IL1RL1: variants seen among roughly 807,000 people sequenced by gnomAD.
IL1RL1 encodes interleukin 1 receptor like 1.
Under a neutral mutation model 50.9 loss-of-function variants are expected in IL1RL1, and 32 were observed. The observed-to-expected ratio is 0.63, with a 90% confidence interval of 0.47 to 0.84. The LOEUF (loss-of-function observed/expected upper bound fraction) is 0.84. IL1RL1 is among the 40% of genes least tolerant of loss of function. The pLI is 0.00. For synonymous variants in IL1RL1, 275 were observed against 236.0 expected (o/e 1.17, Z -1.51); for missense variants, 773 against 662.9 (o/e 1.17, Z -1.82).
At chr2:102,345,806 C>A (rs1225277903) in intron 8 of IL1RL1, 3 of 985,336 alleles carry the variant, frequency 3.0e-6, no homozygotes, top group African/African-American at 3.5e-5. Context: ...AGGCTGTGGA[C>A]CCCATCAAGG....
intron 1 of IL1RL1, among the ~76,000 whole-genome samples, chr2:102,333,408 C>A (rs1416815938): frequency 1.3e-5 from 2 of 152,130 alleles, no homozygotes; most frequent in Non-Finnish European, 2.9e-5. Context: ...TAAATGGAGT[C>A]TTGGTCTGAG....
chr2:102,338,651 G>A (rs1239365872), intron 2 of IL1RL1, among the ~76,000 whole-genome samples, 186 bp from the exon 3 acceptor site: 2 of 152,100 alleles, frequency 1.3e-5, no homozygotes, highest in African/African-American at 2.4e-5. Flanking sequence ...AACTGTGGGG[G>A]ATTTAGCTCC....
Position 102,351,751 on chromosome 2 carries a change from C to A in IL1RL1, c.1501C>A (p.Gln501Lys), listed in dbSNP as rs10192036. 0.38 allele frequency: 606,680 copies of A among 1,612,718 alleles called. 122,638 individuals carry two copies. The highest frequency in any genetic ancestry group is 0.71 in the African/African-American group (52,869 of 74,800). ...GGCTGAGGCGCTTCAGGACTCCCTC[C>A]AGCATCTTATGAAAGTACAGGGGAC... is the stretch of plus-strand genomic sequence containing the variant. ...LQAEALQDSL[Q>K]HLMKVQGTIK... The change falls in exon 11 of 11, where the codon CAG (glutamine) becomes AAG (lysine). Residue 501 changes from glutamine (Q) to lysine (K), a missense_variant. Transcript: ENST00000233954.
chr2:102,350,776 T>C (rs13424006), intron 10 of IL1RL1, among the ~76,000 whole-genome samples: 68,685 of 152,058 alleles, frequency 0.45, 17,745 homozygotes, highest in African/African-American at 0.7. Flanking sequence ...GTGCTTCTCC[T>C]TCTGGGAGCA....
chr2:102,352,019 T>G lies in IL1RL1; in HGVS notation c.*98T>G. On this transcript the variant is annotated 3_prime_UTR_variant, in exon 11 of 11. Transcript: ENST00000233954. ...CACTGAAGTGTGAGGAGCAGGAATA[T>G]TAAAGGGATTCAGGCCTCAGGTTTC... is the stretch of plus-strand genomic sequence containing the variant. 8.3e-7 allele frequency: 1 copy of G among 1,206,894 alleles called. No homozygotes were observed. The allele number at this position is 1,206,894 out of a possible 1,614,324, so 74.8% of individuals were successfully genotyped here.
At chr2:102,322,927 A>T (rs181306317) in intron 1 of IL1RL1, among the ~76,000 whole-genome samples, 111 of 152,256 alleles carry the variant, frequency 7.3e-4, no homozygotes, top group African/African-American at 2.6e-3. Flanking sequence ...TCTTTTGCTT[A>T]GCATAATTTT....
chr2:102,349,483 T>C (rs978169419), intron 10 of IL1RL1, among the ~76,000 whole-genome samples: 1 of 152,168 alleles, frequency 6.6e-6, no homozygotes, highest in African/African-American at 2.4e-5. Context: ...GAGTTAGAAG[T>C]CCTTTGCTTC....
Position 102,338,881 on chromosome 2 carries a change from T to C in IL1RL1, c.106T>C (p.Cys36Arg), listed in dbSNP as rs1261100040. The change falls in exon 3 of 11, where the codon TGT becomes CGT. Residue 36 changes from cysteine (C) to arginine (R), a missense_variant. Coordinates refer to ENST00000233954, the MANE Select transcript of IL1RL1 (RefSeq NM_016232.5). ...GLENEALIVR[C>R]PRQGKPSYTV... ...GGAAAATGAGGCTTTAATTGTAAGA[T>C]GTCCTAGACAAGGAAAACCTAGTTA... The C allele has an allele frequency of 1.1e-5, 18 of 1,613,694 alleles. No homozygotes were observed. The highest frequency in any genetic ancestry group is 1.5e-5 in the Non-Finnish European group (18 of 1,179,752).
chr2:102,324,332 A>G (rs1676927344), intron 1 of IL1RL1, among the ~76,000 whole-genome samples: 1 of 152,188 alleles, frequency 6.6e-6, no homozygotes, highest in Admixed American at 6.5e-5. Context: ...TGGTATTGTC[A>G]GTCTTTTTTA....
At chr2:102,318,883 A>G (rs1332537756) in intron 1 of IL1RL1, among the ~76,000 whole-genome samples, 1 of 152,234 alleles carries the variant, frequency 6.6e-6, no homozygotes, top group Admixed American at 6.5e-5. Flanking sequence ...TAAAGACATC[A>G]TAATTTAAAC....
At chr2:102,324,357 G>T (rs1283610753) in intron 1 of IL1RL1, among the ~76,000 whole-genome samples, 1 of 152,106 alleles carries the variant, frequency 6.6e-6, no homozygotes, top group Non-Finnish European at 1.5e-5. Context: ...CTATGAAATA[G>T]AATCTCGATA....
chr2:102,349,147 C>T lies in IL1RL1; in HGVS notation c.1186C>T (p.Arg396Cys), dbSNP rs200737120. Residue 396 changes from arginine to cysteine, a missense_variant, in exon 10 of 11, where the codon CGT becomes TGT. Coordinates refer to ENST00000233954, the MANE Select transcript of IL1RL1 (RefSeq NM_016232.5). Reference sequence around the variant, plus strand: ...CAAATCCAGTACAGATGGGGCCAGTCGTGTAGAGCACTTTGTTCACCAGAT... The same window carrying T: ...CAAATCCAGTACAGATGGGGCCAGTTGTGTAGAGCACTTTGTTCACCAGAT... ...NYKSSTDGAS[R>C]VEHFVHQILP... The T allele has an allele frequency of 1.8e-4, 298 of 1,612,676 alleles. 1 individual carries two copies. The highest frequency in any genetic ancestry group is 2.4e-4 in the Non-Finnish European group (280 of 1,178,874).
intron 1 of IL1RL1, among the ~76,000 whole-genome samples, chr2:102,316,352 C>A (rs1175612368): frequency 6.6e-6 from 1 of 152,054 alleles, no homozygotes; most frequent in Non-Finnish European, 1.5e-5. Context: ...ATCTTATTTC[C>A]CGAACCTCAT....
intron 1 of IL1RL1, among the ~76,000 whole-genome samples, chr2:102,316,244 G>A (rs796342956): frequency 2.0e-5 from 3 of 152,318 alleles, no homozygotes; most frequent in East Asian, 3.9e-4. Context: ...TTGATAGGAG[G>A]AGTCCTGCTA....
chr2:102,326,377 G>A (rs1037465621), intron 1 of IL1RL1, among the ~76,000 whole-genome samples: 5 of 152,000 alleles, frequency 3.3e-5, no homozygotes, highest in African/African-American at 9.7e-5. Flanking sequence ...AGGAACAACC[G>A]GTACCAGCCA....
At chr2:102,352,286 T>A (rs781382004), downstream of IL1RL1, among the ~76,000 whole-genome samples, 33 of 148,518 alleles carry the variant, frequency 2.2e-4, no homozygotes, top group Admixed American at 7.0e-4. Flanking sequence ...GAGAGTAGAT[T>A]TTCACGTCAC....
In IL1RL1 at chr2:102,352,028, T is replaced by C. The variant is rs1677951663; in HGVS notation, c.*107T>C. On this transcript the variant is annotated 3_prime_UTR_variant, in exon 11 of 11. Transcript: ENST00000233954. ...GTGAGGAGCAGGAATATTAAAGGGA[T>C]TCAGGCCTCAGGTTTCATCTGGTAA... 6.1e-6 allele frequency: 7 copies of C among 1,142,012 alleles called. No individual in the cohort carries two copies. Among genetic ancestry groups the C allele is most frequent in the Non-Finnish European group, 8.7e-6 (7 of 809,112 alleles). The allele number at this position is 1,142,012 out of a possible 1,614,324, so 70.7% of individuals were successfully genotyped here. A position where few individuals can be genotyped will look rare whatever the true frequency, so the allele number is the denominator to read the frequency against.
chr2:102,346,838 T>C (rs1677799018), intron 8 of IL1RL1, among the ~76,000 whole-genome samples: 1 of 152,232 alleles, frequency 6.6e-6, no homozygotes, highest in Non-Finnish European at 1.5e-5. Flanking sequence ...GCCAGTGATT[T>C]TTCTACCTTA....
At chr2:102,317,426 A>G (rs1486301116) in intron 1 of IL1RL1, among the ~76,000 whole-genome samples, 1 of 152,178 alleles carries the variant, frequency 6.6e-6, no homozygotes, top group Non-Finnish European at 1.5e-5. Flanking sequence ...ACTGTTACAG[A>G]TAGTTTAAGA....
Sources: allele counts gnomAD v4.1 joint callset (sites outside exome capture counted in the v4.1 genomes callset), GRCh38; gene constraint gnomAD v4.1.1; transcripts MANE v1.5; gene names NCBI Gene and HGNC (gene_info 2026-07-23, HGNC 2026-07-21).